Variants in RIT2 observed in about 807,000 individuals in gnomAD.
The protein encoded by RIT2 is GTP-binding protein Rit2.
RIT2 carries 24 observed loss-of-function variants against 23.7 expected under a neutral mutation model. The ratio of observed to expected loss-of-function variants is 1.01; its 90% CI spans 0.73 to 1.43. The LOEUF is 1.43. Ranked by LOEUF, RIT2 falls within the 40% of genes most tolerant of loss-of-function variation. The pLI, the probability that RIT2 is intolerant of heterozygous loss-of-function variation, is 0.00. For synonymous variants in RIT2, 107 were observed against 91.1 expected (o/e 1.17, Z -0.99); for missense variants, 236 against 266.9 (o/e 0.88, Z 0.81).
At chr18:43,073,815 G>A (rs946370224) in intron 1 of RIT2, among the ~76,000 whole-genome samples, 8 of 152,142 alleles carry the variant, frequency 5.3e-5, no homozygotes, top group African/African-American at 1.9e-4. Context: ...ATTTAAAGAA[G>A]TTTTGTTGTG....
intron 4 of RIT2, among the ~76,000 whole-genome samples, chr18:42,912,850 A>G (rs1908806211): frequency 1.3e-5 from 2 of 151,990 alleles, no homozygotes; most frequent in African/African-American, 4.8e-5. Context: ...AACATAACCA[A>G]TAGGTTTAAT....
At chr18:42,878,195 A>G (rs1907794570) in intron 4 of RIT2, among the ~76,000 whole-genome samples, 1 of 151,342 alleles carries the variant, frequency 6.6e-6, no homozygotes, top group Non-Finnish European at 1.5e-5. Flanking sequence ...AAATCTGTGT[A>G]TAACTTTTGA....
At chr18:43,097,077 C>T (rs568000859) in intron 1 of RIT2, among the ~76,000 whole-genome samples, 79 of 151,866 alleles carry the variant, frequency 5.2e-4, no homozygotes, top group Non-Finnish European at 9.6e-4. Flanking sequence ...TGAGCCCTTG[C>T]TATCATGAGA....
intron 4 of RIT2, among the ~76,000 whole-genome samples, chr18:42,800,484 A>AATT (rs1905500083): frequency 6.6e-6 from 1 of 150,874 alleles, no homozygotes; most frequent in Admixed American, 6.6e-5. Flanking sequence ...CTCTTAAGGT[A>AATT]ATTTTTCCTC....
At chr18:43,023,660 T>G (rs1173654871) in intron 2 of RIT2, among the ~76,000 whole-genome samples, 3 of 152,102 alleles carry the variant, frequency 2.0e-5, no homozygotes, top group African/African-American at 7.2e-5. Context: ...ACTCAACAAT[T>G]TATTGATTCT....
intron 3 of RIT2, among the ~76,000 whole-genome samples, chr18:42,933,346 A>T (rs1909374241): frequency 6.6e-6 from 1 of 152,170 alleles, no homozygotes; most frequent in Non-Finnish European, 1.5e-5. Context: ...AATCAGCAAA[A>T]TTTTTGTTCC....
chr18:42,999,763 G>A (rs766190802), intron 2 of RIT2, among the ~76,000 whole-genome samples: 3 of 152,012 alleles, frequency 2.0e-5, no homozygotes, highest in South Asian at 2.1e-4. Flanking sequence ...GATACAAAAA[G>A]ACAATATATC....
intron 3 of RIT2, among the ~76,000 whole-genome samples, chr18:42,955,052 C>T (rs933480413): frequency 1.3e-5 from 2 of 151,974 alleles, no homozygotes; most frequent in African/African-American, 4.8e-5. Context: ...TATGAGGAGG[C>T]CAGGGTAGAA....
rs539457702 is a variant in RIT2 at position 43,056,983 on chromosome 18, G to A, written c.104-23116C>T. Among the ~76,000 whole-genome samples, 5 of 142,648 alleles carry A rather than the reference G, an allele frequency of 3.5e-5. No individual in the cohort carries two copies. In the Admixed American group the frequency reaches 3.9e-4, roughly 11 times the overall value. The allele number at this position is 142,648 out of a possible 152,430, so 93.6% of individuals were successfully genotyped here. ...TTTCTTTTCCCTGGTGTGAGTTCTG[G>A]AAAAAATGAAATTCCTTGTTCTTGT... is the stretch of plus-strand genomic sequence containing the variant. On this transcript the variant is annotated intron_variant, in intron 1 of 4. Coordinates refer to ENST00000326695, the MANE Select transcript of RIT2 (RefSeq NM_002930.4).
intron 3 of RIT2, among the ~76,000 whole-genome samples, chr18:42,947,691 G>A (rs1909758575): frequency 6.6e-6 from 1 of 152,044 alleles, no homozygotes; most frequent in East Asian, 1.9e-4. Context: ...TAAGCATGAG[G>A]TGGGCAAAGG....
intron 4 of RIT2, among the ~76,000 whole-genome samples, chr18:42,790,250 T>C (rs1470979835): frequency 6.6e-6 from 1 of 152,166 alleles, no homozygotes; most frequent in African/African-American, 2.4e-5. Flanking sequence ...ATTTAGACAA[T>C]CTGAGATATA....
chr18:43,055,924 G>A (rs576870393), intron 1 of RIT2, among the ~76,000 whole-genome samples: 69 of 152,188 alleles, frequency 4.5e-4, no homozygotes, highest in African/African-American at 1.6e-3. Flanking sequence ...GAACTTTAAG[G>A]TTACGGGTTA....
chr18:42,955,166 C>T (rs1472929707), intron 3 of RIT2, among the ~76,000 whole-genome samples: 2 of 152,110 alleles, frequency 1.3e-5, no homozygotes, highest in African/African-American at 2.4e-5. Flanking sequence ...TGTTTCAAAA[C>T]AGTCACCACA....
At chr18:42,825,902 G>A (rs949268469) in intron 4 of RIT2, among the ~76,000 whole-genome samples, 1 of 151,832 alleles carries the variant, frequency 6.6e-6, no homozygotes, top group African/African-American at 2.4e-5. Flanking sequence ...GTAGAAAACT[G>A]GTAACAATGC....
At chr18:43,008,441 T>C (rs1334572820) in intron 2 of RIT2, among the ~76,000 whole-genome samples, 3 of 151,452 alleles carry the variant, frequency 2.0e-5, no homozygotes, top group South Asian at 2.1e-4. Flanking sequence ...GGGTTACTTG[T>C]AGTGGAGAGA....
At chr18:42,827,541 A>T (rs539085994) in intron 4 of RIT2, among the ~76,000 whole-genome samples, 2 of 152,142 alleles carry the variant, frequency 1.3e-5, no homozygotes, top group African/African-American at 4.8e-5. Context: ...ACTAGGGAAG[A>T]TATTTCCAGC....
intron 4 of RIT2, among the ~76,000 whole-genome samples, chr18:42,831,675 T>C (rs1244609156): frequency 6.6e-6 from 1 of 152,178 alleles, no homozygotes; most frequent in Non-Finnish European, 1.5e-5. Context: ...GGCTGACATT[T>C]GTGAATACTA....
chr18:43,026,737 G>A (rs767240232), intron 2 of RIT2, among the ~76,000 whole-genome samples: 17 of 150,834 alleles, frequency 1.1e-4, no homozygotes, highest in Non-Finnish European at 1.6e-4. Flanking sequence ...ATTTAGGAAT[G>A]TCTATTAGAC....
chr18:42,828,819 T>C (rs761592050), intron 4 of RIT2, among the ~76,000 whole-genome samples: 1 of 152,246 alleles, frequency 6.6e-6, no homozygotes, highest in African/African-American at 2.4e-5. Flanking sequence ...TCTTGTTGCC[T>C]AAAAACTAAA....
Sources: gnomAD v4.1 joint callset for allele counts (sites outside exome capture counted in the v4.1 genomes callset) on GRCh38, gnomAD v4.1.1 for gene constraint, MANE v1.5 for transcripts, NCBI Gene and HGNC (gene_info 2026-07-23, HGNC 2026-07-21) for gene names.